SH3PXD2A: variants seen among roughly 807,000 people sequenced by gnomAD.
SH3PXD2A encodes the protein SH3 and PX domain-containing protein 2A.
SH3PXD2A carries 32 observed loss-of-function variants against 115.2 expected under a neutral mutation model. The observed-to-expected ratio is 0.28, with a 90% confidence interval of 0.21 to 0.37. The LOEUF is 0.37. Ranked by LOEUF, SH3PXD2A falls within the 10% of genes least tolerant of loss-of-function variation. The probability of loss-of-function intolerance (pLI) is 1.00; values close to 1 mark genes in which losing one functional copy is unlikely to be tolerated. For missense variants in SH3PXD2A, 1,328 were observed against 1,498.7 expected, an observed-to-expected ratio of 0.89 and a Z score of 1.88; for synonymous variants, 610 against 629.1, an observed-to-expected ratio of 0.97 and a Z score of 0.45.
At chr10:103,736,602 C>G (rs1417160916) in intron 3 of SH3PXD2A, among the ~76,000 whole-genome samples, 3 of 152,262 alleles carry the variant, frequency 2.0e-5, no homozygotes, top group Non-Finnish European at 2.9e-5. Context: ...ATGTCTAGGG[C>G]CAAAGCCCCC....
At chr10:103,714,772 G>A (rs2038085912) in intron 5 of SH3PXD2A, among the ~76,000 whole-genome samples, 1 of 152,250 alleles carries the variant, frequency 6.6e-6, no homozygotes, top group South Asian at 2.1e-4. Flanking sequence ...GTGGCAGGGG[G>A]CTGCAAGGAC....
intron 5 of SH3PXD2A, among the ~76,000 whole-genome samples, chr10:103,706,271 C>T (rs2037979591): frequency 2.0e-5 from 3 of 152,182 alleles, no homozygotes; most frequent in South Asian, 2.1e-4. Flanking sequence ...GTGGTTCTGC[C>T]GCTGGTGTGG....
At chr10:103,656,211 C>A (rs745745829) in intron 8 of SH3PXD2A, among the ~76,000 whole-genome samples, 1 of 152,212 alleles carries the variant, frequency 6.6e-6, no homozygotes, top group Non-Finnish European at 1.5e-5. Context: ...AACCTACCCA[C>A]CAACAGCCTC....
chr10:103,702,596 C>CGTGTGTGTGTGCGTGTGT (rs2037930376), intron 5 of SH3PXD2A, among the ~76,000 whole-genome samples: 6 of 147,448 alleles, frequency 4.1e-5, no homozygotes, highest in African/African-American at 1.5e-4. Flanking sequence ...TGTGTGTGTG[C>CGTGTGTGTGTGCGTGTGT]GTGTGTGTGT....
chr10:103,779,370 C>G (rs897683173), intron 2 of SH3PXD2A, among the ~76,000 whole-genome samples: 2 of 152,190 alleles, frequency 1.3e-5, no homozygotes, highest in African/African-American at 2.4e-5. Context: ...GGAGCTACAC[C>G]CCAGCATCCT....
chr10:103,661,107 G>C lies in SH3PXD2A; in HGVS notation c.480C>G (p.Asp160Glu). The C allele has an allele frequency of 1.2e-6, 2 of 1,612,964 alleles. No homozygotes were observed. The highest frequency in any genetic ancestry group is 1.7e-6 in the Non-Finnish European group (2 of 1,179,454). ...ESPKKDVTGA[D>E]ATAEPMILEQ... ...CCAGGATCATGGGCTCGGCGGTGGC[G>C]TCGGCACCTGGCGAGGGCAGAAAGC... is the stretch of plus-strand genomic sequence containing the variant. The change falls in exon 8 of 15, where the codon GAC becomes GAG. Residue 160 changes from aspartate (D) to glutamate (E), a missense_variant. By Grantham distance (45) the Asp-to-Glu change is conservative. Transcript: ENST00000369774.
At chr10:103,635,733 G>A (rs571851604) in intron 8 of SH3PXD2A, among the ~76,000 whole-genome samples, 94 of 152,258 alleles carry the variant, frequency 6.2e-4, no homozygotes, top group African/African-American at 2.2e-3. Context: ...CCTCACCCTG[G>A]CCTGTCCTTC....
intron 6 of SH3PXD2A, among the ~76,000 whole-genome samples, chr10:103,670,700 T>G (rs1223567237): frequency 6.6e-6 from 1 of 152,050 alleles, no homozygotes; most frequent in Non-Finnish European, 1.5e-5. Flanking sequence ...CAGGGCAAAA[T>G]CTGAGGTTAC....
At chr10:103,725,820 C>T (rs2038234097) in intron 4 of SH3PXD2A, among the ~76,000 whole-genome samples, 1 of 151,646 alleles carries the variant, frequency 6.6e-6, no homozygotes, top group African/African-American at 2.4e-5. Flanking sequence ...CAGAGCAAGA[C>T]TCTGTCTCAA....
chr10:103,840,955 G>T (rs1202014304), intron 1 of SH3PXD2A, among the ~76,000 whole-genome samples: 1 of 152,240 alleles, frequency 6.6e-6, no homozygotes, highest in Non-Finnish European at 1.5e-5. Context: ...GTGAACTAGA[G>T]ATATCTGGTT....
intron 13 of SH3PXD2A, chr10:103,608,498 T>G (rs935495329): frequency 4.0e-5 from 6 of 148,512 alleles, no homozygotes; most frequent in Admixed American, 3.3e-4. Context: ...AATTTACAGA[T>G]TAGGGATAAA....
intron 1 of SH3PXD2A, among the ~76,000 whole-genome samples, chr10:103,811,310 T>G (rs2039268505): frequency 6.6e-6 from 1 of 152,170 alleles, no homozygotes; most frequent in Non-Finnish European, 1.5e-5. Flanking sequence ...CGCCAAACCT[T>G]CTTACACGCA....
intron 2 of SH3PXD2A, among the ~76,000 whole-genome samples, chr10:103,789,225 G>A (rs1392098999): frequency 2.0e-5 from 3 of 152,168 alleles, no homozygotes; most frequent in African/African-American, 7.2e-5. Context: ...GCCCCAGATC[G>A]AAGCTGCCCC....
At chr10:103,725,842 TAAATA>T (rs1296188003) in intron 4 of SH3PXD2A, among the ~76,000 whole-genome samples, 1 of 150,060 alleles carries the variant, frequency 6.7e-6, no homozygotes, top group Non-Finnish European at 1.5e-5. Flanking sequence ...AAAATATAAA[TAAATA>T]AAATAAAAAT....
intron 4 of SH3PXD2A, among the ~76,000 whole-genome samples, chr10:103,727,958 G>T (rs2038262949): frequency 6.6e-6 from 1 of 152,228 alleles, no homozygotes. Context: ...TGGTGATGAT[G>T]GCCAGGGCCA....
intron 5 of SH3PXD2A, among the ~76,000 whole-genome samples, chr10:103,717,652 C>T (rs368107696): frequency 1.3e-5 from 2 of 152,324 alleles, no homozygotes; most frequent in Admixed American, 6.5e-5. Context: ...GAGTTCCTAG[C>T]GTTCGTTTCA....
intron 13 of SH3PXD2A, 100 bp downstream of exon 13, chr10:103,611,481 T>G (rs1321877282): frequency 2.9e-5 from 33 of 1,134,538 alleles, no homozygotes; most frequent in Non-Finnish European, 4.2e-5. Flanking sequence ...GGAAAACCCC[T>G]GGATCAAGAG....
intron 8 of SH3PXD2A, among the ~76,000 whole-genome samples, 173 bp downstream of exon 8, chr10:103,660,810 G>T (rs1224739037): frequency 1.3e-5 from 2 of 152,252 alleles, no homozygotes; most frequent in African/African-American, 4.8e-5. Flanking sequence ...CAGGCAAACT[G>T]CTGGCCTGCA....
In SH3PXD2A at chr10:103,595,061, G is replaced by A. The variant is rs1367372849; in HGVS notation, c.*6755C>T. ...AAGGGAAGTGGGCAAAACCAGCTGA[G>A]AACCCGGGAGCTGGATGCATATATT... On this transcript the variant is annotated 3_prime_UTR_variant, in exon 15 of 15. Coordinates refer to ENST00000369774, the MANE Select transcript of SH3PXD2A (RefSeq NM_001394015.1). 1 of 152,216 alleles carries A rather than the reference G, an allele frequency of 6.6e-6. No homozygotes were observed. Among genetic ancestry groups the A allele is most frequent in the African/African-American group, 2.4e-5 (1 of 41,428 alleles). The allele number at this position is 152,216 out of a possible 1,614,324, so 9.4% of individuals were successfully genotyped here.
Sources: gnomAD v4.1 joint callset for allele counts (sites outside exome capture counted in the v4.1 genomes callset) on GRCh38, gnomAD v4.1.1 for gene constraint, MANE v1.5 for transcripts, NCBI Gene and HGNC (gene_info 2026-07-23, HGNC 2026-07-21) for gene names.